Variants in TRPM3 observed in about 807,000 individuals in gnomAD.
TRPM3 encodes the protein transient receptor potential cation channel subfamily M member 3, also known as long transient receptor potential channel 3.
In TRPM3, 77 loss-of-function variants were observed where a neutral mutation model predicts 181.2. The ratio of observed to expected loss-of-function variants is 0.42; its 90% CI spans 0.35 to 0.51. The LOEUF (loss-of-function observed/expected upper bound fraction) is 0.51. Among genes scored for constraint, TRPM3 ranks in the 20% least tolerant of loss-of-function variants. The pLI, the probability that TRPM3 is intolerant of heterozygous loss-of-function variation, is 0.01. For synonymous variants in TRPM3, 745 were observed against 796.4 expected (o/e 0.94, Z 1.09); for missense variants, 1,759 against 2,196.7 (o/e 0.80, Z 3.98).
At chr9:71,155,490 T>C (rs1371583577) in intron 1 of TRPM3, among the ~76,000 whole-genome samples, 5 of 131,582 alleles carry the variant, frequency 3.8e-5, no homozygotes, top group African/African-American at 1.3e-4. Flanking sequence ...ATTTTTATTT[T>C]ATTTTATTTT....
chr9:70,873,951 A>G (rs2095832350), intron 1 of TRPM3, among the ~76,000 whole-genome samples: 1 of 151,938 alleles, frequency 6.6e-6, no homozygotes, highest in Non-Finnish European at 1.5e-5. Flanking sequence ...CCCTAGGGGA[A>G]TAATCTCTTT....
intron 18 of TRPM3, 66 bp from the exon 19 acceptor site, chr9:70,610,815 A>ACTT: frequency 6.4e-7 from 1 of 1,570,688 alleles, no homozygotes; most frequent in Non-Finnish European, 8.7e-7. Flanking sequence ...CAATGTGCTT[A>ACTT]CTTTACAGAT....
At chr9:71,298,533 C>A (rs1170077157) in intron 1 of TRPM3, among the ~76,000 whole-genome samples, 1 of 151,728 alleles carries the variant, frequency 6.6e-6, no homozygotes, top group African/African-American at 2.4e-5. Context: ...TGTTCAGCAG[C>A]AGTATATAAT....
chr9:70,684,366 T>C (rs1311320649), intron 8 of TRPM3, among the ~76,000 whole-genome samples: 1 of 152,068 alleles, frequency 6.6e-6, no homozygotes, highest in East Asian at 1.9e-4. Flanking sequence ...CTTGTGCTGG[T>C]TTCAGAACCC....
chr9:70,603,301 C>G (rs768287457), intron 20 of TRPM3, 41 bp downstream of exon 20: 1 of 1,598,370 alleles, frequency 6.3e-7, no homozygotes, highest in African/African-American at 1.3e-5. Context: ...AGAACTTAAC[C>G]ACTGTCTTTC....
At chr9:71,344,013 G>GTTTAGATTAGA (rs370345661) in intron 1 of TRPM3, among the ~76,000 whole-genome samples, 6 of 150,134 alleles carry the variant, frequency 4.0e-5, no homozygotes, top group Non-Finnish European at 5.9e-5. Flanking sequence ...ATTATTCCAT[G>GTTTAGATTAGA]TTAGATTAGA....
At chr9:70,883,161 A>G (rs1443248431) in intron 1 of TRPM3, among the ~76,000 whole-genome samples, 2 of 152,166 alleles carry the variant, frequency 1.3e-5, no homozygotes, top group African/African-American at 4.8e-5. Flanking sequence ...CCATTTTTAC[A>G]ATGATATCAC....
At chr9:70,872,338 G>A (rs1247668188) in intron 1 of TRPM3, among the ~76,000 whole-genome samples, 1 of 151,874 alleles carries the variant, frequency 6.6e-6, no homozygotes, top group Non-Finnish European at 1.5e-5. Flanking sequence ...AGTAGTAGTG[G>A]TCTTAATAGA....
rs375502688 is a variant in TRPM3, at chr9:71,395,133, C to T, written c.183+51520G>A. 9.1e-4 allele frequency among the ~76,000 whole-genome samples: 139 copies of T among 152,322 alleles called. 1 individual carries two copies. In the South Asian group the frequency reaches 0.028, roughly 31 times the overall value. ...AGCACCTCTGTTGATCATCATGAAG[C>T]CTCACCAGTGCTCTTCCCAGCCTTT... On this transcript the variant is annotated intron_variant, in intron 1 of 24. Transcript: ENST00000357533.
At chr9:71,151,387 A>G (rs1159978216) in intron 1 of TRPM3, among the ~76,000 whole-genome samples, 1 of 152,108 alleles carries the variant, frequency 6.6e-6, no homozygotes, top group Non-Finnish European at 1.5e-5. Flanking sequence ...AAAGGCTCCT[A>G]TTTGTTACAA....
rs566792426 is a variant in TRPM3 at position 71,080,676 on chromosome 9, T to C, written c.177+40502A>G. 2.0e-5 allele frequency among the ~76,000 whole-genome samples: 3 copies of C among 152,138 alleles called. No homozygotes were observed. In the East Asian group the frequency reaches 5.8e-4, roughly 29 times the overall value. On this transcript the variant is annotated intron_variant, in intron 1 of 25. Coordinates refer to ENST00000677713, the MANE Select transcript of TRPM3 (RefSeq NM_001366145.2). Reference sequence around the variant, plus strand: ...CCAGCAACAGCCCTCTCCCCAAGTCTCTCCTTCAGGGTCCTAGGTGCACTC... The same window carrying C: ...CCAGCAACAGCCCTCTCCCCAAGTCCCTCCTTCAGGGTCCTAGGTGCACTC...
At chr9:71,161,844 T>G (rs1252051150) in intron 1 of TRPM3, among the ~76,000 whole-genome samples, 2 of 151,980 alleles carry the variant, frequency 1.3e-5, no homozygotes, top group African/African-American at 4.8e-5. Flanking sequence ...TACCTAAAAG[T>G]TTACTATATT....
chr9:70,661,168 A>G (rs1203294638), intron 9 of TRPM3, among the ~76,000 whole-genome samples: 1 of 152,186 alleles, frequency 6.6e-6, no homozygotes, highest in East Asian at 1.9e-4. Flanking sequence ...TATTACATAA[A>G]CAGAATTAAA....
chr9:70,831,962 A>AATATATAT (rs71367232), intron 5 of TRPM3, among the ~76,000 whole-genome samples: 2,325 of 63,592 alleles, frequency 0.037, 44 homozygotes, highest in Middle Eastern at 0.052. Context: ...GTACCCCATA[A>AATATATAT]ATATATATAT....
At chr9:70,954,826 C>A (rs1255149798) in intron 1 of TRPM3, among the ~76,000 whole-genome samples, 1 of 152,096 alleles carries the variant, frequency 6.6e-6, no homozygotes, top group Non-Finnish European at 1.5e-5. Context: ...TTCCTGGGGT[C>A]CCTTGCCAGC....
chr9:70,600,644 A>AT (rs1215407113), intron 20 of TRPM3, among the ~76,000 whole-genome samples: 17 of 152,274 alleles, frequency 1.1e-4, no homozygotes, highest in African/African-American at 3.8e-4. Context: ...CATGTGTAAC[A>AT]AGTTCCCAGC....
chr9:70,829,063 T>C lies in TRPM3; in HGVS notation c.802-1045A>G. ...ATTCAACAGGCTAATTGCTACATGGTCTTAGTACAGCTATCACTGTATTGA... is the reference window on the plus strand; with the variant it reads ...ATTCAACAGGCTAATTGCTACATGGCCTTAGTACAGCTATCACTGTATTGA... On this transcript the variant is annotated intron_variant, in intron 5 of 25. Coordinates refer to ENST00000677713, the MANE Select transcript of TRPM3 (RefSeq NM_001366145.2). Among the ~76,000 whole-genome samples, 2 of 152,264 alleles carry C rather than the reference T, an allele frequency of 1.3e-5. 1 individual carries two copies. Among genetic ancestry groups the C allele is most frequent in the African/African-American group, 4.8e-5 (2 of 41,552 alleles).
intron 1 of TRPM3, among the ~76,000 whole-genome samples, chr9:70,915,329 A>G (rs918578451): frequency 6.6e-6 from 1 of 151,602 alleles, no homozygotes; most frequent in African/African-American, 2.4e-5. Flanking sequence ...ACAGAGTCTT[A>G]CTCTGTCGCC....
chr9:70,536,595 G>A lies in TRPM3; in HGVS notation c.4518C>T (p.His1506=). The change falls in exon 26 of 26, where the codon CAC becomes CAT. Residue 1506 remains histidine, a synonymous_variant. Transcript: ENST00000677713. ...GGCTACTTTTGGAACGCTCAATGGT[G>A]TGGTACATCGGAGGCTCTGAGTCCC... The part of the protein sequence containing the change: ...NPWDSEPPMY[H]TIERSKSSRY... 4 of 1,614,144 alleles carry A rather than the reference G, an allele frequency of 2.5e-6. No individual in the cohort carries two copies. Among genetic ancestry groups the A allele is most frequent in the Non-Finnish European group, 3.4e-6 (4 of 1,180,008 alleles).
Sources: allele counts gnomAD v4.1 joint callset (sites outside exome capture counted in the v4.1 genomes callset), GRCh38; gene constraint gnomAD v4.1.1; transcripts MANE v1.5; gene names NCBI Gene and HGNC (gene_info 2026-07-23, HGNC 2026-07-21).